CACNA1C: variants seen among roughly 807,000 people sequenced by gnomAD.
CACNA1C encodes the protein voltage-dependent L-type calcium channel subunit alpha-1C.
CACNA1C carries 30 observed loss-of-function variants against 229.0 expected under a neutral mutation model. The ratio of observed to expected loss-of-function variants is 0.13; its 90% CI spans 0.10 to 0.18. CACNA1C has a LOEUF of 0.18. Among genes scored for constraint, CACNA1C ranks in the 10% least tolerant of loss-of-function variants. CACNA1C has a pLI of 1.00. For missense variants in CACNA1C, 1,658 were observed against 2,845.0 expected, an observed-to-expected ratio of 0.58 and a Z score of 9.49; for synonymous variants, 1,114 against 1,132.5, an observed-to-expected ratio of 0.98 and a Z score of 0.33.
chr12:2,212,870 T>G (rs2097969989), intron 3 of CACNA1C, among the ~76,000 whole-genome samples: 1 of 152,198 alleles, frequency 6.6e-6, no homozygotes, highest in South Asian at 2.1e-4. Context: ...ACCATGCATT[T>G]TCTCCTCTGA....
rs544412490 is a variant in CACNA1C at position 2,043,817 on chromosome 12, G to A, written c.140-71407G>A. Among the ~76,000 whole-genome samples, 138 of 136,190 alleles carry A rather than the reference G, an allele frequency of 1.0e-3. 1 individual carries two copies. The highest frequency in any genetic ancestry group is 3.9e-3 in the African/African-American group (132 of 33,424). The allele number at this position is 136,190 out of a possible 152,430, so 89.3% of individuals were successfully genotyped here. A position where few individuals can be genotyped will look rare whatever the true frequency, so the allele number is the denominator to read the frequency against. On this transcript the variant is annotated intron_variant, in intron 1 of 46. Coordinates refer to the CACNA1C transcript ENST00000682462. Reference sequence around the variant, plus strand: ...ACTACAGGCGCCCGCCATTGCGCCCGGCTAATTTTTTGTATTTTTAGTAGA... The same window carrying A: ...ACTACAGGCGCCCGCCATTGCGCCCAGCTAATTTTTTGTATTTTTAGTAGA...
chr12:2,686,841 A>G (rs1183899344), intron 45 of CACNA1C, among the ~76,000 whole-genome samples: 1 of 152,218 alleles, frequency 6.6e-6, no homozygotes, highest in Admixed American at 6.5e-5. Context: ...AGGACCAAAC[A>G]TGCCTTAGTA....
intron 30 of CACNA1C, chr12:2,641,813 C>G: frequency 1.4e-6 from 1 of 701,814 alleles, no homozygotes; most frequent in South Asian, 1.5e-5. Context: ...TGTGAGGTCC[C>G]TCCCCATCCC....
At chr12:2,052,839 T>G (rs1454288523), upstream of CACNA1C, among the ~76,000 whole-genome samples, 3 of 131,788 alleles carry the variant, frequency 2.3e-5, no homozygotes, top group South Asian at 5.5e-4. Flanking sequence ...CCCGGCTCCC[T>G]GCGCGCCGCC....
rs202027411 is a variant in CACNA1C at position 2,512,926 on chromosome 12, C to T, written c.1332C>T (p.Ala444=). Residue 444 remains alanine, a synonymous_variant, in exon 9 of 47, where the codon GCC becomes GCT. Coordinates refer to ENST00000399655, the MANE Select transcript of CACNA1C (RefSeq NM_000719.7). This position sits in a 1 kb window ranked among gnomAD's most constrained non-coding sequence, Gnocchi z 4.3. The part of the protein sequence containing the change: ...LKGYLDWITQ[A]EDIDPENEDE... The stretch of plus-strand genomic sequence containing the variant: ...GCTACCTGGATTGGATCACTCAGGC[C>T]GAAGACATCGATCCTGAGAATGAGG... 4.0e-5 allele frequency: 65 copies of T among 1,611,598 alleles called. No homozygotes were observed. The highest frequency in any genetic ancestry group is 1.6e-4 in the Middle Eastern group (1 of 6,082).
intron 1 of CACNA1C, among the ~76,000 whole-genome samples, chr12:2,045,036 A>G (rs1353478870): frequency 1.3e-5 from 2 of 152,218 alleles, no homozygotes; most frequent in African/African-American, 4.8e-5. Flanking sequence ...GAGAGAAGAC[A>G]TTACAGATTG....
intron 7 of CACNA1C, among the ~76,000 whole-genome samples, chr12:2,501,439 C>T (rs576502153): frequency 9.2e-5 from 14 of 152,164 alleles, no homozygotes; most frequent in Middle Eastern, 3.4e-3. Context: ...TCAGAGAGTC[C>T]GATACACAAC....
chr12:2,420,270 T>C (rs1163071109), intron 3 of CACNA1C, among the ~76,000 whole-genome samples: 3 of 152,124 alleles, frequency 2.0e-5, no homozygotes, highest in Non-Finnish European at 4.4e-5. Context: ...TCCTTGGAAG[T>C]TGCGTTCCAG....
intron 11 of CACNA1C, among the ~76,000 whole-genome samples, chr12:2,558,287 G>A (rs2045604192): frequency 6.6e-6 from 1 of 152,206 alleles, no homozygotes; most frequent in Non-Finnish European, 1.5e-5. Flanking sequence ...GGGCTAGGCT[G>A]AACTGCTGTC....
At chr12:2,031,300 G>A (rs1380472441) in intron 1 of CACNA1C, among the ~76,000 whole-genome samples, 1 of 152,152 alleles carries the variant, frequency 6.6e-6, no homozygotes, top group South Asian at 2.1e-4. Flanking sequence ...ACCAAAACTC[G>A]TGGCACTCAA....
At chr12:2,449,717 G>A (rs966324921) in intron 4 of CACNA1C, among the ~76,000 whole-genome samples, 1 of 152,258 alleles carries the variant, frequency 6.6e-6, no homozygotes, top group African/African-American at 2.4e-5. Context: ...AACCCAGGCT[G>A]CTCTGTGCTG....
rs1459240748 is a variant in CACNA1C, at chr12:2,303,705, C to G, written c.478-145271C>G. On this transcript the variant is annotated intron_variant, in intron 3 of 46. Coordinates refer to ENST00000399655, the MANE Select transcript of CACNA1C (RefSeq NM_000719.7). Reference sequence around the variant, plus strand: ...ACATGAGCTTTGGTGGGGACACATTCAGCCCATAGCTGAATGTCCATGCTT... The same window carrying G: ...ACATGAGCTTTGGTGGGGACACATTGAGCCCATAGCTGAATGTCCATGCTT... 3.7e-4 allele frequency among the ~76,000 whole-genome samples: 56 copies of G among 152,228 alleles called. 1 individual carries two copies. The highest frequency in any genetic ancestry group is 3.7e-3 in the Admixed American group (56 of 15,288).
intron 3 of CACNA1C, among the ~76,000 whole-genome samples, chr12:2,194,244 T>A (rs2097331690): frequency 8.8e-6 from 1 of 113,896 alleles, no homozygotes; most frequent in African/African-American, 4.0e-5. Flanking sequence ...TTGTTCCTCC[T>A]CCACTGCCTC....
At chr12:2,455,668 C>T (rs2099413187) in intron 4 of CACNA1C, among the ~76,000 whole-genome samples, 1 of 152,174 alleles carries the variant, frequency 6.6e-6, no homozygotes, top group African/African-American at 2.4e-5. Context: ...TTGTCCACAT[C>T]ACTCCACCAA....
chr12:2,435,510 T>C (rs554672415), intron 3 of CACNA1C, among the ~76,000 whole-genome samples: 5 of 152,084 alleles, frequency 3.3e-5, no homozygotes, highest in Non-Finnish European at 5.9e-5. Flanking sequence ...TCCTGGTGGG[T>C]GCTGCTCATT....
chr12:2,225,216 AT>A (rs1169249119), intron 3 of CACNA1C, among the ~76,000 whole-genome samples: 1 of 152,230 alleles, frequency 6.6e-6, no homozygotes, highest in East Asian at 1.9e-4. Context: ...ATTAAAAAGC[AT>A]TTATTCAGCA....
At chr12:2,156,341 C>G (rs771086932) in intron 3 of CACNA1C, among the ~76,000 whole-genome samples, 13 of 152,150 alleles carry the variant, frequency 8.5e-5, no homozygotes, top group South Asian at 6.2e-4. Context: ...AAGCTAGTAG[C>G]GTAAAAATTG....
At chr12:2,035,134 C>A (rs575262213) in intron 1 of CACNA1C, among the ~76,000 whole-genome samples, 2 of 152,290 alleles carry the variant, frequency 1.3e-5, no homozygotes, top group Non-Finnish European at 2.9e-5. Context: ...GCCTCCCCTG[C>A]GCCGGCGCGT....
intron 3 of CACNA1C, among the ~76,000 whole-genome samples, chr12:2,379,556 G>A (rs1293496306): frequency 6.6e-6 from 1 of 152,138 alleles, no homozygotes; most frequent in African/African-American, 2.4e-5. Context: ...TCCTAGGAGT[G>A]TGAGGCTGTC....
Sources: allele counts gnomAD v4.1 joint callset (sites outside exome capture counted in the v4.1 genomes callset), GRCh38; gene constraint gnomAD v4.1.1; non-coding constraint Gnocchi (gnomAD v3.1); transcripts MANE v1.5; gene names NCBI Gene and HGNC (gene_info 2026-07-23, HGNC 2026-07-21).